The following NUMB variants were observed in gnomAD, a reference collection of about 807,000 sequenced individuals.
NUMB encodes the protein protein numb homolog.
A neutral mutation model predicts 59.7 loss-of-function variants in NUMB; 29 were observed. That is an observed-to-expected ratio of 0.49 (90% confidence interval 0.36 to 0.66). NUMB has a LOEUF of 0.66. Among genes scored for constraint, NUMB ranks in the 30% least tolerant of loss-of-function variants. NUMB has a pLI of 0.00. For synonymous variants in NUMB, 288 were observed against 288.2 expected (o/e 1.00, Z 0.01); for missense variants, 723 against 822.0 (o/e 0.88, Z 1.47).
intron 6 of NUMB, among the ~76,000 whole-genome samples, chr14:73,315,028 A>T (rs938207386): frequency 6.6e-6 from 1 of 152,158 alleles, no homozygotes; most frequent in Non-Finnish European, 1.5e-5. Flanking sequence ...GTCTATTAAA[A>T]AATGTATTGT....
chr14:73,390,843 T>C (rs1895817620), intron 2 of NUMB, among the ~76,000 whole-genome samples: 1 of 151,524 alleles, frequency 6.6e-6, no homozygotes, highest in Admixed American at 6.6e-5. Context: ...GAGACGGGGT[T>C]TCACCATGTT....
intron 1 of NUMB, among the ~76,000 whole-genome samples, chr14:73,440,196 CATATATATATATGGATATCCAT>C (rs146664093): frequency 0.18 from 8,986 of 50,924 alleles, 715 homozygotes; most frequent in African/African-American, 0.42. Context: ...ACTAGATATC[CATATATATATATGGATATCCAT>C]ATATATATAT....
chr14:73,455,116 A>C (rs1006402662), intron 1 of NUMB, among the ~76,000 whole-genome samples: 4 of 152,212 alleles, frequency 2.6e-5, no homozygotes, highest in African/African-American at 4.8e-5. Flanking sequence ...AAAAATTTTA[A>C]GGAAATATAA....
chr14:73,358,191 A>G (rs1594946636), intron 3 of NUMB, among the ~76,000 whole-genome samples: 1 of 152,222 alleles, frequency 6.6e-6, no homozygotes, highest in East Asian at 1.9e-4. Context: ...ATGGAGCTCC[A>G]TAGAGGCAAA....
chr14:73,383,887 G>A (rs911912689), intron 2 of NUMB, among the ~76,000 whole-genome samples: 83 of 152,004 alleles, frequency 5.5e-4, no homozygotes, highest in African/African-American at 1.7e-3. Context: ...ATGGTGGGAC[G>A]CGCCTATAGT....
chr14:73,411,919 CTTTTTT>C (rs935625343), intron 1 of NUMB, among the ~76,000 whole-genome samples: 1 of 106,816 alleles, frequency 9.4e-6, no homozygotes, highest in Non-Finnish European at 1.8e-5. Context: ...CAGCAATTAA[CTTTTTT>C]TTTTTTTTTT....
intron 4 of NUMB, among the ~76,000 whole-genome samples, chr14:73,326,022 G>T (rs1207794175): frequency 6.6e-6 from 1 of 152,142 alleles, no homozygotes; most frequent in East Asian, 1.9e-4. Context: ...CTTCATGGTA[G>T]TGCAGGCCAA....
intron 1 of NUMB, among the ~76,000 whole-genome samples, chr14:73,437,022 C>G (rs918371402): frequency 1.3e-5 from 2 of 149,348 alleles, no homozygotes; most frequent in Admixed American, 1.3e-4. Flanking sequence ...ATATTTGTAC[C>G]TATATATTTT....
chr14:73,434,026 G>A (rs191870539), intron 1 of NUMB, among the ~76,000 whole-genome samples: 25 of 152,204 alleles, frequency 1.6e-4, no homozygotes, highest in Admixed American at 1.4e-3. Context: ...CCTGGGAGGC[G>A]GAGGTCACAG....
At chr14:73,336,265 A>G (rs963453924) in intron 4 of NUMB, among the ~76,000 whole-genome samples, 1 of 152,232 alleles carries the variant, frequency 6.6e-6, no homozygotes, top group East Asian at 1.9e-4. Flanking sequence ...CTGTTATTAC[A>G]TATATTAACT....
chr14:73,332,426 G>T (rs917197621), intron 4 of NUMB, among the ~76,000 whole-genome samples: 1 of 151,686 alleles, frequency 6.6e-6, no homozygotes, highest in Non-Finnish European at 1.5e-5. Context: ...GCTAATTTTT[G>T]TATTTTTAGT....
In NUMB at chr14:73,387,603, T is replaced by C. The variant is rs75929833; in HGVS notation, c.-100-20622A>G. On this transcript the variant is annotated intron_variant, in intron 2 of 12. Coordinates refer to ENST00000555238, the MANE Select transcript of NUMB (RefSeq NM_001005743.2). ...TGAGGCCTCCCCAGCCATGCTAAAC[T>C]GTGAGTCAATTAAAGAGACCTCCGG... is the stretch of plus-strand genomic sequence containing the variant. Among the ~76,000 whole-genome samples, 1,971 of 151,856 alleles carry C rather than the reference T, an allele frequency of 0.013. 98 individuals carry two copies. In the South Asian group the frequency reaches 0.16, roughly 12 times the overall value.
intron 2 of NUMB, among the ~76,000 whole-genome samples, chr14:73,377,956 TAC>T (rs1895037618): frequency 6.6e-6 from 1 of 150,542 alleles, no homozygotes; most frequent in Non-Finnish European, 1.5e-5. Flanking sequence ...TAGATATATA[TAC>T]ACACACATGC....
chr14:73,419,413 G>A (rs140504149), intron 1 of NUMB, among the ~76,000 whole-genome samples: 4,244 of 152,144 alleles, frequency 0.028, 138 homozygotes, highest in East Asian at 0.14. Flanking sequence ...GGAGGCTGAG[G>A]CAGGAGAATG....
intron 4 of NUMB, among the ~76,000 whole-genome samples, chr14:73,350,799 G>C (rs1442961305): frequency 1.3e-5 from 2 of 151,804 alleles, no homozygotes; most frequent in Admixed American, 6.6e-5. Flanking sequence ...AAAGTGTTGA[G>C]ATTACAGGTG....
At chr14:73,402,845 C>T (rs1459407862) in intron 2 of NUMB, among the ~76,000 whole-genome samples, 1 of 152,132 alleles carries the variant, frequency 6.6e-6, no homozygotes, top group Non-Finnish European at 1.5e-5. Context: ...ATTTTTAGTC[C>T]TTTGGTTCTC....
intron 5 of NUMB, among the ~76,000 whole-genome samples, chr14:73,322,197 G>A (rs1891441341): frequency 6.6e-6 from 1 of 152,166 alleles, no homozygotes; most frequent in South Asian, 2.1e-4. Flanking sequence ...AGCAAAGTGG[G>A]GAAAGGCCAC....
At chr14:73,284,018 T>G in intron 10 of NUMB, 63 bp downstream of exon 10, 1 of 1,442,016 alleles carries the variant, frequency 6.9e-7, no homozygotes, top group Non-Finnish European at 9.7e-7. Context: ...AGTGTCTTCA[T>G]GGGAAGTGAT....
intron 1 of NUMB, among the ~76,000 whole-genome samples, chr14:73,416,796 A>G (rs1439648083): frequency 6.6e-6 from 1 of 152,016 alleles, no homozygotes; most frequent in Non-Finnish European, 1.5e-5. Context: ...TAATACAGAC[A>G]GCAGGCAGGG....
Sources: allele counts gnomAD v4.1 joint callset (sites outside exome capture counted in the v4.1 genomes callset), GRCh38; gene constraint gnomAD v4.1.1; transcripts MANE v1.5; gene names NCBI Gene and HGNC (gene_info 2026-07-23, HGNC 2026-07-21).